Variants in ATP10B observed in about 807,000 individuals in gnomAD.
ATP10B encodes the protein ATPase phospholipid transporting 10B (putative).
ATP10B carries 122 observed loss-of-function variants against 141.2 expected under a neutral mutation model. That is an observed-to-expected ratio of 0.86 (90% CI 0.75 to 1.00). ATP10B has a LOEUF of 1.00. Ranked by LOEUF, ATP10B falls within the 50% of genes least tolerant of loss-of-function variation. The pLI, the probability that ATP10B is intolerant of heterozygous loss-of-function variation, is 0.00. For synonymous variants in ATP10B, 685 were observed against 692.0 expected (o/e 0.99, Z 0.16); for missense variants, 1,876 against 1,825.3 (o/e 1.03, Z -0.51).
intron 13 of ATP10B, among the ~76,000 whole-genome samples, chr5:160,625,517 C>G (rs531080070): frequency 2.0e-5 from 3 of 152,254 alleles, no homozygotes; most frequent in East Asian, 1.9e-4. Context: ...AGCTAAATCC[C>G]CTATTTTCCT....
At chr5:160,754,922 T>C (rs1182762410) in intron 2 of ATP10B, among the ~76,000 whole-genome samples, 4 of 152,198 alleles carry the variant, frequency 2.6e-5, no homozygotes, top group African/African-American at 9.7e-5. Context: ...ATATTTAAGG[T>C]ATAATACACT....
chr5:160,915,393 G>A, the ATP10B span, among the ~76,000 whole-genome samples: 17 of 151,692 alleles, frequency 1.1e-4, no homozygotes, highest in Non-Finnish European at 2.9e-5. Flanking sequence ...GTGCAGTGGT[G>A]TGATCTCGGC....
chr5:160,675,829 G>A (rs1018464677), intron 6 of ATP10B, among the ~76,000 whole-genome samples: 1 of 125,904 alleles, frequency 7.9e-6, no homozygotes, highest in Non-Finnish European at 1.6e-5. Context: ...AGGGCTCAGG[G>A]AAGCACCAGA....
intron 2 of ATP10B, among the ~76,000 whole-genome samples, chr5:160,766,167 A>G (rs961965695): frequency 2.6e-5 from 4 of 151,454 alleles, no homozygotes; most frequent in Admixed American, 1.3e-4. Flanking sequence ...GAACTAAAGT[A>G]GAACTACCAT....
intron 1 of ATP10B, among the ~76,000 whole-genome samples, chr5:160,847,427 C>T (rs137877842): frequency 3.7e-4 from 57 of 152,256 alleles, no homozygotes; most frequent in Middle Eastern, 3.4e-3. Context: ...TACAGCCTTG[C>T]GGTGACCCCT....
Position 160,688,963 on chromosome 5 carries a change from T to C in ATP10B, c.-204-20A>G. The C allele has an allele frequency of 1.0e-6, 1 of 984,908 alleles. No homozygotes were observed. Among genetic ancestry groups the C allele is most frequent in the East Asian group, 1.1e-4 (1 of 8,806 alleles). The allele number at this position is 984,908 out of a possible 1,614,324, so 61.0% of individuals were successfully genotyped here. ...TGGTTTCTGAAACCAAGTACTTGAT[T>C]AAGCAGATGGTCTGCCCAGGTGGCA... On this transcript the variant is annotated intron_variant, in intron 3 of 25. Transcript: ENST00000327245.
chr5:160,766,336 GAACA>G (rs1769410344), intron 2 of ATP10B, among the ~76,000 whole-genome samples: 1 of 97,976 alleles, frequency 1.0e-5, no homozygotes, highest in Non-Finnish European at 2.1e-5. Context: ...TGGATAAAGA[GAACA>G]CACACACACA....
At chr5:160,699,440 A>C (rs943292619) in intron 3 of ATP10B, among the ~76,000 whole-genome samples, 1 of 152,236 alleles carries the variant, frequency 6.6e-6, no homozygotes, top group Non-Finnish European at 1.5e-5. Context: ...CAATTAAAAG[A>C]CAATAGTACA....
At position 160,717,345 on chromosome 5, in the gene ATP10B, C is replaced by A. The variant is rs1178460584; in HGVS notation, c.-330-311G>T. Among the ~76,000 whole-genome samples the A allele has an allele frequency of 3.3e-5, 5 of 152,250 alleles. No homozygotes were observed. The South Asian group carries it at 1.0e-3, about 32-fold the overall frequency. ...CAAATTTGATTAGTTGGATAGAGGG[C>A]AAAGCCTGGTGTGTCTTTGGGGAGC... On this transcript the variant is annotated intron_variant, in intron 2 of 25. Coordinates refer to ENST00000327245, the MANE Select transcript of ATP10B (RefSeq NM_025153.3).
At chr5:160,702,460 T>C (rs925167811) in intron 3 of ATP10B, among the ~76,000 whole-genome samples, 1 of 152,214 alleles carries the variant, frequency 6.6e-6, no homozygotes, top group Non-Finnish European at 1.5e-5. Context: ...TCAATATAAA[T>C]GACACTTATT....
intron 18 of ATP10B, 22 bp from the exon 19 acceptor site, chr5:160,607,108 C>T: frequency 6.3e-7 from 1 of 1,589,302 alleles, no homozygotes; most frequent in Non-Finnish European, 8.6e-7. Context: ...CATAATAATA[C>T]AGTATTTGTA....
At chr5:160,634,866 C>T (rs1325229986) in intron 11 of ATP10B, among the ~76,000 whole-genome samples, 1 of 152,176 alleles carries the variant, frequency 6.6e-6, no homozygotes, top group African/African-American at 2.4e-5. Context: ...GTGAGAGAGA[C>T]TTAGCATCTC....
At chr5:160,835,308 G>A (rs759293901) in intron 1 of ATP10B, among the ~76,000 whole-genome samples, 1 of 152,134 alleles carries the variant, frequency 6.6e-6, no homozygotes, top group Non-Finnish European at 1.5e-5. Context: ...AGAACAAGCT[G>A]AGATGTATAG....
chr5:160,721,864 A>C (rs1359454872), intron 2 of ATP10B, among the ~76,000 whole-genome samples: 1 of 152,206 alleles, frequency 6.6e-6, no homozygotes, highest in Non-Finnish European at 1.5e-5. Context: ...AACAACTCCA[A>C]AGCTGGTCCT....
chr5:160,849,824 T>A (rs951018614), intron 1 of ATP10B, among the ~76,000 whole-genome samples: 1 of 152,014 alleles, frequency 6.6e-6, no homozygotes, highest in African/African-American at 2.4e-5. Flanking sequence ...TTATAAAAAA[T>A]GAAAAGAAGA....
At chr5:160,793,572 T>A (rs1394399961) in intron 1 of ATP10B, among the ~76,000 whole-genome samples, 1 of 152,174 alleles carries the variant, frequency 6.6e-6, no homozygotes, top group African/African-American at 2.4e-5. Flanking sequence ...GAGTGAAAAA[T>A]TTCTGTCACC....
chr5:160,594,708 T>A (rs1311266869), intron 22 of ATP10B, among the ~76,000 whole-genome samples: 1 of 149,596 alleles, frequency 6.7e-6, no homozygotes, highest in Non-Finnish European at 1.5e-5. Flanking sequence ...ACCAAGCAAA[T>A]GGAAAACAAA....
chr5:160,781,911 C>A (rs1447055517), intron 2 of ATP10B, among the ~76,000 whole-genome samples: 1 of 152,158 alleles, frequency 6.6e-6, no homozygotes, highest in Admixed American at 6.5e-5. Flanking sequence ...TTTACTACAA[C>A]CTGCTCCTTA....
intron 2 of ATP10B, among the ~76,000 whole-genome samples, chr5:160,733,509 G>A (rs1766880091): frequency 6.6e-6 from 1 of 151,982 alleles, no homozygotes; most frequent in African/African-American, 2.4e-5. Context: ...ACATAGATGT[G>A]CTAATGACCA....
Sources: gnomAD v4.1 joint callset for allele counts (sites outside exome capture counted in the v4.1 genomes callset) on GRCh38, gnomAD v4.1.1 for gene constraint, MANE v1.5 for transcripts, NCBI Gene and HGNC (gene_info 2026-07-23, HGNC 2026-07-21) for gene names.